The following DRAM1 variants were observed in gnomAD, a reference collection of about 807,000 sequenced individuals.
DRAM1 encodes the protein DNA damage regulated autophagy modulator 1.
A neutral mutation model predicts 28.5 loss-of-function variants in DRAM1; 25 were observed. That is an observed-to-expected ratio of 0.88 (90% CI 0.64 to 1.23). DRAM1 has a LOEUF of 1.23. DRAM1 is among the 50% of genes most tolerant of loss of function. DRAM1 has a pLI of 0.00. For missense variants in DRAM1, 249 were observed against 299.2 expected, an observed-to-expected ratio of 0.83 and a Z score of 1.24; for synonymous variants, 113 against 114.2, an observed-to-expected ratio of 0.99 and a Z score of 0.07.
rs923049456 is a variant in DRAM1, at chr12:101,901,519, T to C, written c.342+86T>C. ...AGCAGAAATGCAAGAGGCACACTTATGCCATTATAGCCATTAAATGCTTGA... is the reference window on the plus strand; with the variant it reads ...AGCAGAAATGCAAGAGGCACACTTACGCCATTATAGCCATTAAATGCTTGA... On this transcript the variant is annotated intron_variant, in intron 3 of 6. Coordinates refer to ENST00000258534, the MANE Select transcript of DRAM1 (RefSeq NM_018370.3). The C allele has an allele frequency of 2.7e-5, 40 of 1,470,056 alleles. 1 individual carries two copies. The highest frequency in any genetic ancestry group is 1.8e-4 in the South Asian group (14 of 78,306). The allele number at this position is 1,470,056 out of a possible 1,614,324, so 91.1% of individuals were successfully genotyped here. A position where few individuals can be genotyped will look rare whatever the true frequency, so the allele number is the denominator to read the frequency against.
intron 1 of DRAM1, 123 bp from the exon 2 acceptor site, chr12:101,897,740 T>C: frequency 1.4e-6 from 1 of 703,780 alleles, no homozygotes; most frequent in Non-Finnish European, 2.5e-6. Context: ...GGCCAAATCT[T>C]TGGAATTCAA....
At chr12:101,914,547 A>G (rs946356280) in intron 5 of DRAM1, among the ~76,000 whole-genome samples, 8 of 150,256 alleles carry the variant, frequency 5.3e-5, no homozygotes, top group East Asian at 3.9e-4. Context: ...CAGTGGTGCA[A>G]TCTCAGCTTA....
intron 1 of DRAM1, among the ~76,000 whole-genome samples, chr12:101,880,628 C>T (rs1872658667): frequency 6.6e-6 from 1 of 152,074 alleles, no homozygotes; most frequent in Non-Finnish European, 1.5e-5. Flanking sequence ...TCATGTTTGT[C>T]CCAGATCTGA....
chr12:101,888,548 G>A (rs557440069), intron 1 of DRAM1, among the ~76,000 whole-genome samples: 1 of 152,156 alleles, frequency 6.6e-6, no homozygotes, highest in Admixed American at 6.6e-5. Context: ...AACTTTTGCA[G>A]CCCCAAAATT....
chr12:101,878,129 C>T (rs1183965319), intron 1 of DRAM1, among the ~76,000 whole-genome samples: 2 of 152,118 alleles, frequency 1.3e-5, no homozygotes, highest in African/African-American at 4.8e-5. Context: ...GTACCCGGAG[C>T]ATGGAACAGG....
intron 3 of DRAM1, among the ~76,000 whole-genome samples, chr12:101,906,930 G>A (rs1221031839): frequency 1.3e-5 from 2 of 151,424 alleles, no homozygotes; most frequent in East Asian, 3.9e-4. Flanking sequence ...TGTGTAGTAT[G>A]TACAGGGTCT....
At chr12:101,895,728 G>A (rs753064730) in intron 1 of DRAM1, among the ~76,000 whole-genome samples, 2 of 149,850 alleles carry the variant, frequency 1.3e-5, no homozygotes, top group African/African-American at 2.5e-5. Flanking sequence ...CTGCCACCGC[G>A]CCTGGCTAAT....
rs1024295388 is a variant in DRAM1, at chr12:101,921,104, CA to C, written c.673-109del. On this transcript the variant is annotated intron_variant, in intron 6 of 6. Transcript: ENST00000258534. ...TTTAGGACCTGACTCAAGCATAGCA[CA>C]AACCATAGTGAGATCATTCCTTAGG... 8.5e-6 allele frequency: 7 copies of C among 824,728 alleles called. No homozygotes were observed. The African/African-American group carries it at 1.0e-4, about 12-fold the overall frequency. The allele number at this position is 824,728 out of a possible 1,614,324, so 51.1% of individuals were successfully genotyped here.
rs1373451453 is a variant in DRAM1 at position 101,908,321 on chromosome 12, C to T, written c.478C>T (p.Arg160Trp). ...QWNSLSTCHI[R>W]MVISAVSCAA... is the part of the protein sequence containing the mutation. ...GAACAGTCTCTCGACATGCCACATA[C>T]GGATGGTCATCTCTGCCGTTTCTTG... Residue 160 changes from arginine (R) to tryptophan (W), a missense_variant, in exon 4 of 7, where the codon CGG becomes TGG. Physicochemically the swap from Arg to Trp is moderately radical, Grantham distance 101. Around this residue, in one of 3 missense-constraint regions of DRAM1, gnomAD observed 218 missense variants for 243.1 expected, o/e 0.90. Coordinates refer to ENST00000258534, the MANE Select transcript of DRAM1 (RefSeq NM_018370.3). The T allele has an allele frequency of 2.5e-6, 4 of 1,613,356 alleles. No individual in the cohort carries two copies. Among genetic ancestry groups the T allele is most frequent in the East Asian group, 2.2e-5 (1 of 44,898 alleles).
rs190415232 is a variant in DRAM1, at chr12:101,922,794, G to A, written c.*1534G>A. Reference sequence around the variant, plus strand: ...AAGAGTTTGACAGAGATACACCTTTGTAAGAAAACATTAAGAATGCTGGCT... The same window carrying A: ...AAGAGTTTGACAGAGATACACCTTTATAAGAAAACATTAAGAATGCTGGCT... On this transcript the variant is annotated 3_prime_UTR_variant, in exon 7 of 7. Coordinates refer to ENST00000258534, the MANE Select transcript of DRAM1 (RefSeq NM_018370.3). 1.3e-5 allele frequency: 2 copies of A among 152,276 alleles called. No homozygotes were observed. Among genetic ancestry groups the A allele is most frequent in the East Asian group, 1.9e-4 (1 of 5,188 alleles). 9.4% of individuals were successfully genotyped at this position (152,276 alleles called of 1,614,324 possible).
chr12:101,914,699 C>G (rs1025298676), intron 5 of DRAM1, among the ~76,000 whole-genome samples: 1 of 152,174 alleles, frequency 6.6e-6, no homozygotes, highest in South Asian at 2.1e-4. Context: ...GCTCTGTCAC[C>G]CAGGCTGGAG....
chr12:101,912,186 C>A (rs1209784139), intron 4 of DRAM1, among the ~76,000 whole-genome samples: 5 of 151,960 alleles, frequency 3.3e-5, no homozygotes, highest in Non-Finnish European at 7.4e-5. Flanking sequence ...AGTGAAAGAG[C>A]GAGACTCCAT....
intron 1 of DRAM1, 84 bp from the exon 2 acceptor site, chr12:101,897,779 T>A: frequency 1.1e-6 from 1 of 952,276 alleles, no homozygotes; most frequent in East Asian, 2.6e-5. Flanking sequence ...AGAAACAGAA[T>A]ATAAAACTCG....
At chr12:101,895,186 G>GTTTTTTTTTGTTTTGTTTTTTT (rs1873300407) in intron 1 of DRAM1, among the ~76,000 whole-genome samples, 1 of 75,720 alleles carries the variant, frequency 1.3e-5, no homozygotes, top group Non-Finnish European at 2.3e-5. Context: ...AACCCTTCAG[G>GTTTTTTTTTGTTTTGTTTTTTT]TTTTTTTTTT....
At chr12:101,885,757 G>A (rs1045191460) in intron 1 of DRAM1, among the ~76,000 whole-genome samples, 1 of 151,852 alleles carries the variant, frequency 6.6e-6, no homozygotes, top group Admixed American at 6.6e-5. Flanking sequence ...CGAACTCCTG[G>A]CCTCAAGTGA....
intron 2 of DRAM1, among the ~76,000 whole-genome samples, chr12:101,899,877 G>A (rs963568575): frequency 6.6e-5 from 10 of 152,036 alleles, no homozygotes; most frequent in African/African-American, 2.2e-4. Flanking sequence ...CAACATTTAG[G>A]CTATTTCTGG....
In DRAM1 at chr12:101,877,890, G is replaced by C. The variant is rs1049137596; in HGVS notation, c.101G>C (p.Gly34Ala). ...TCCTACGTGGTCGCCGTGCTCTCCG[G>C]GCACGTCAACCCCTTCCTCCCGTAT... ...IISYVVAVLS[G>A]HVNPFLPYIS... is the part of the protein sequence containing the mutation. Residue 34 changes from glycine (G) to alanine (A), a missense_variant, in exon 1 of 7, where the codon GGG becomes GCG. By Grantham distance (60) the Gly-to-Ala change is moderately conservative (BLOSUM62 0). This residue lies in a region of DRAM1 where 218 missense variants were observed against 243.1 expected (regional missense o/e 0.90). Transcript: ENST00000258534. This position sits in a 1 kb window ranked among gnomAD's most constrained non-coding sequence, Gnocchi z 4.1. 6.5e-7 allele frequency: 1 copy of C among 1,543,628 alleles called. No homozygotes were observed. Among genetic ancestry groups the C allele is most frequent in the Non-Finnish European group, 8.8e-7 (1 of 1,142,418 alleles).
chr12:101,878,710 G>A (rs1341021197), intron 1 of DRAM1, among the ~76,000 whole-genome samples: 1 of 152,200 alleles, frequency 6.6e-6, no homozygotes, highest in Non-Finnish European at 1.5e-5. Context: ...CATAGTGGCA[G>A]GATTCTTTAA....
At chr12:101,913,962 T>C (rs1480582818) in intron 4 of DRAM1, among the ~76,000 whole-genome samples, 2 of 152,162 alleles carry the variant, frequency 1.3e-5, no homozygotes, top group African/African-American at 4.8e-5. Flanking sequence ...GATTTAACTC[T>C]CATCATTGAA....
Sources: allele counts gnomAD v4.1 joint callset (sites outside exome capture counted in the v4.1 genomes callset), GRCh38; gene constraint gnomAD v4.1.1; regional missense constraint gnomAD v4.1.1; non-coding constraint Gnocchi (gnomAD v3.1); transcripts MANE v1.5; gene names NCBI Gene and HGNC (gene_info 2026-07-23, HGNC 2026-07-21).